STRBP: variants seen among roughly 807,000 people sequenced by gnomAD.
STRBP encodes spermatid perinuclear RNA-binding protein.
In STRBP, 13 loss-of-function variants were observed where a neutral mutation model predicts 80.1. The ratio of observed to expected loss-of-function variants is 0.16; its 90% CI spans 0.11 to 0.26. The LOEUF (loss-of-function observed/expected upper bound fraction) is 0.26, where lower values mean the gene tolerates loss of function less well. Among genes scored for constraint, STRBP ranks in the 10% least tolerant of loss-of-function variants. STRBP has a pLI of 1.00. For missense variants in STRBP, 485 were observed against 815.2 expected, an observed-to-expected ratio of 0.59 and a Z score of 4.93; for synonymous variants, 284 against 291.2, an observed-to-expected ratio of 0.98 and a Z score of 0.25.
chr9:123,161,101 A>G (rs774666948), intron 6 of STRBP, 33 bp from the exon 7 acceptor site: 4 of 1,474,510 alleles, frequency 2.7e-6, no homozygotes, highest in East Asian at 2.4e-5. Flanking sequence ...AGAGACAAAT[A>G]CAATTTGACC....
intron 4 of STRBP, among the ~76,000 whole-genome samples, chr9:123,176,626 CACTCAATAA>C (rs2038231450): frequency 6.6e-6 from 1 of 152,102 alleles, no homozygotes; most frequent in Admixed American, 6.5e-5. Context: ...CAATAGTTGG[CACTCAATAA>C]ACAGTAGCTG....
At chr9:123,119,935 C>T (rs1176833673), downstream of STRBP, among the ~76,000 whole-genome samples, 2 of 152,096 alleles carry the variant, frequency 1.3e-5, no homozygotes, top group Non-Finnish European at 2.9e-5. Flanking sequence ...TTTTAAAAAC[C>T]TCCAAAGATC....
chr9:123,237,071 T>G (rs944699464), intron 1 of STRBP, 105 bp from the exon 2 acceptor site: 5 of 151,976 alleles, frequency 3.3e-5, no homozygotes, highest in African/African-American at 1.2e-4. Context: ...GAGGCAGAGG[T>G]TGTAGTACAG....
At chr9:123,204,611 C>T (rs1245528911) in intron 2 of STRBP, among the ~76,000 whole-genome samples, 1 of 152,030 alleles carries the variant, frequency 6.6e-6, no homozygotes, top group African/African-American at 2.4e-5. Flanking sequence ...GGTAATGTGC[C>T]AAGAAACAGT....
At chr9:123,138,778 A>G (rs1420264244) in intron 14 of STRBP, among the ~76,000 whole-genome samples, 1 of 152,248 alleles carries the variant, frequency 6.6e-6, no homozygotes, top group East Asian at 1.9e-4. Context: ...CCTGGCACTA[A>G]GCAGGTATTA....
chr9:123,189,618 G>A (rs755220488), intron 2 of STRBP, among the ~76,000 whole-genome samples: 59 of 151,898 alleles, frequency 3.9e-4, no homozygotes, highest in Non-Finnish European at 7.5e-4. Context: ...AACACTGCAT[G>A]TCCTCACTCA....
intron 13 of STRBP, among the ~76,000 whole-genome samples, chr9:123,141,592 G>C (rs2036592505): frequency 6.6e-6 from 1 of 152,098 alleles, no homozygotes; most frequent in Non-Finnish European, 1.5e-5. Context: ...AGTTTGATTT[G>C]TTTATTCCAA....
chr9:123,262,758 T>A (rs1230847206), intron 1 of STRBP, among the ~76,000 whole-genome samples: 4 of 152,228 alleles, frequency 2.6e-5, no homozygotes, highest in Admixed American at 6.5e-5. Flanking sequence ...GCAGGCACTA[T>A]ACTTCTCAAA....
chr9:123,172,459 C>A (rs1307086238), intron 5 of STRBP, among the ~76,000 whole-genome samples: 1 of 152,164 alleles, frequency 6.6e-6, no homozygotes, highest in Non-Finnish European at 1.5e-5. Context: ...ATGTTCCACT[C>A]TCCTTCCTCC....
chr9:123,226,652 T>A (rs575562721), intron 2 of STRBP, among the ~76,000 whole-genome samples: 8 of 152,246 alleles, frequency 5.3e-5, no homozygotes, highest in Non-Finnish European at 1.0e-4. Flanking sequence ...ATTCCACAAA[T>A]ATATCTTGAA....
chr9:123,203,987 CAAAA>C (rs2039424379), intron 2 of STRBP, among the ~76,000 whole-genome samples: 1 of 128,800 alleles, frequency 7.8e-6, no homozygotes, highest in African/African-American at 3.9e-5. Flanking sequence ...AACAAAAAAA[CAAAA>C]CAAACAAACA....
intron 1 of STRBP, among the ~76,000 whole-genome samples, chr9:123,248,793 T>C (rs1210395585): frequency 6.6e-6 from 1 of 152,230 alleles, no homozygotes; most frequent in Non-Finnish European, 1.5e-5. Context: ...TCCTCTCTCC[T>C]TGTATGTCAC....
At chr9:123,211,197 G>A (rs191135723) in intron 2 of STRBP, among the ~76,000 whole-genome samples, 33 of 152,200 alleles carry the variant, frequency 2.2e-4, no homozygotes, top group Admixed American at 3.3e-4. Flanking sequence ...TAGATTATTC[G>A]ACAAAGTGAA....
At chr9:123,142,768 A>G (rs570413133) in intron 13 of STRBP, among the ~76,000 whole-genome samples, 19 of 152,230 alleles carry the variant, frequency 1.2e-4, no homozygotes, top group African/African-American at 4.1e-4. Flanking sequence ...TGTTTTAACA[A>G]CTGTCCAGCT....
intron 1 of STRBP, among the ~76,000 whole-genome samples, chr9:123,255,282 G>C (rs1439130941): frequency 2.6e-5 from 4 of 152,190 alleles, no homozygotes; most frequent in African/African-American, 9.7e-5. Flanking sequence ...AGGTTAAAAG[G>C]CTTGTCCTCT....
At chr9:123,193,838 T>A (rs1323368395) in intron 2 of STRBP, among the ~76,000 whole-genome samples, 3 of 152,148 alleles carry the variant, frequency 2.0e-5, no homozygotes, top group Non-Finnish European at 4.4e-5. Flanking sequence ...AATCCAAGCC[T>A]CTTGGCCACA....
chr9:123,199,311 T>C (rs2039223548), intron 2 of STRBP, among the ~76,000 whole-genome samples: 1 of 152,242 alleles, frequency 6.6e-6, no homozygotes. Context: ...AGTCCAGTAA[T>C]GTGATGCCTC....
In STRBP at chr9:123,182,806, G is replaced by A. The variant is rs147215845; in HGVS notation, c.3+1326C>T. On this transcript the variant is annotated intron_variant, in intron 3 of 18. Transcript: ENST00000348403. ...GCAGCAGGGTTCCTTGAGCCAAGGCGTTCCAGACCAGCCTGGGCAACAAAG... is the reference window on the plus strand; with the variant it reads ...GCAGCAGGGTTCCTTGAGCCAAGGCATTCCAGACCAGCCTGGGCAACAAAG... Among the ~76,000 whole-genome samples the A allele has an allele frequency of 9.7e-3, 1,469 of 152,076 alleles. 7 individuals carry two copies. The highest frequency in any genetic ancestry group is 0.015 in the Non-Finnish European group (1,017 of 67,992).
chr9:123,163,015 A>T (rs150386295), intron 6 of STRBP, among the ~76,000 whole-genome samples: 18 of 152,160 alleles, frequency 1.2e-4, no homozygotes, highest in Non-Finnish European at 1.9e-4. Flanking sequence ...ACAAAGGTTG[A>T]CTAACTACTA....
Sources: gnomAD v4.1 joint callset for allele counts (sites outside exome capture counted in the v4.1 genomes callset) on GRCh38, gnomAD v4.1.1 for gene constraint, MANE v1.5 for transcripts, NCBI Gene and HGNC (gene_info 2026-07-23, HGNC 2026-07-21) for gene names.